Variants in CHSY1 observed in about 807,000 individuals in gnomAD.
The protein encoded by CHSY1 is chondroitin sulfate synthase 1, also known as N-acetylgalactosaminyl-proteoglycan 3-beta-glucuronosyltransferase 1.
Under a neutral mutation model 59.8 loss-of-function variants are expected in CHSY1, and 13 were observed. The observed-to-expected ratio is 0.22, with a 90% CI of 0.14 to 0.35. CHSY1 has a LOEUF of 0.35. Among genes scored for constraint, CHSY1 ranks in the 10% least tolerant of loss-of-function variants. The pLI is 1.00. For synonymous variants in CHSY1, 459 were observed against 401.2 expected, an observed-to-expected ratio of 1.14 and a Z score of -1.72; for missense variants, 947 against 1,030.6, an observed-to-expected ratio of 0.92 and a Z score of 1.11.
chr15:101,211,280 C>T (rs2038679912), intron 2 of CHSY1, among the ~76,000 whole-genome samples: 1 of 152,192 alleles, frequency 6.6e-6, no homozygotes, highest in South Asian at 2.1e-4. Context: ...GCTGAGATTG[C>T]ACCACTGCAC....
intron 1 of CHSY1, among the ~76,000 whole-genome samples, chr15:101,243,897 C>T (rs2039026905): frequency 1.3e-5 from 2 of 152,138 alleles, no homozygotes; most frequent in Admixed American, 6.5e-5. Flanking sequence ...CCAAACACGC[C>T]GAGCAAAGTG....
At chr15:101,182,726 C>T (rs2038297161) in intron 2 of CHSY1, among the ~76,000 whole-genome samples, 1 of 152,162 alleles carries the variant, frequency 6.6e-6, no homozygotes. Context: ...CCATAGATAC[C>T]TAGAGTCTGC....
At chr15:101,239,635 G>A (rs1407895374) in intron 1 of CHSY1, among the ~76,000 whole-genome samples, 1 of 152,234 alleles carries the variant, frequency 6.6e-6, no homozygotes, top group Non-Finnish European at 1.5e-5. Context: ...GGTAGTGAAA[G>A]AACAGGAAAG....
Position 101,179,381 on chromosome 15 carries a change from C to T in CHSY1, c.817-401G>A, listed in dbSNP as rs145034425. ...CTGAAGACCTGAATAGCAGATCCTG[C>T]GGCTTCTATCTGTGGGAATAAACTT... On this transcript the variant is annotated intron_variant, in intron 2 of 2. Transcript: ENST00000254190. Among the ~76,000 whole-genome samples the T allele has an allele frequency of 2.4e-4, 36 of 152,326 alleles. No individual in the cohort carries two copies. The East Asian group carries it at 4.6e-3, about 20-fold the overall frequency.
At chr15:101,245,314 T>C (rs994547142) in intron 1 of CHSY1, among the ~76,000 whole-genome samples, 2 of 152,184 alleles carry the variant, frequency 1.3e-5, no homozygotes, top group Non-Finnish European at 2.9e-5. Flanking sequence ...AGGAAACCTG[T>C]AGTTGTCTCT....
At chr15:101,190,592 A>G (rs544209591) in intron 2 of CHSY1, among the ~76,000 whole-genome samples, 1 of 152,362 alleles carries the variant, frequency 6.6e-6, no homozygotes, top group South Asian at 2.1e-4. Flanking sequence ...GACACACTCC[A>G]TGTAAGAATT....
At position 101,210,798 on chromosome 15, in the gene CHSY1, TGTGA is replaced by T. The variant is rs150473480; in HGVS notation, c.816+24280_816+24283del. 3.9e-5 allele frequency among the ~76,000 whole-genome samples: 6 copies of T among 152,312 alleles called. No individual in the cohort carries two copies. The East Asian group carries it at 1.2e-3, about 29-fold the overall frequency. On this transcript the variant is annotated intron_variant, in intron 2 of 2. Coordinates refer to ENST00000254190, the MANE Select transcript of CHSY1 (RefSeq NM_014918.5). ...TCCAGTTTTTTTTAAATACAATGTTTGTGATTCAGTCAAAAGCTACTAAACATGC... is the reference window on the plus strand; with the variant it reads ...TCCAGTTTTTTTTAAATACAATGTTTTTCAGTCAAAAGCTACTAAACATGC...
At chr15:101,198,414 T>C (rs1408815315) in intron 2 of CHSY1, among the ~76,000 whole-genome samples, 1 of 152,162 alleles carries the variant, frequency 6.6e-6, no homozygotes, top group African/African-American at 2.4e-5. Flanking sequence ...TCTGTGACGG[T>C]GGTTTGGCCC....
At position 101,188,246 on chromosome 15, in the gene CHSY1, CGTT is replaced by C. The variant is rs543093812; in HGVS notation, c.817-9269_817-9267del. On this transcript the variant is annotated intron_variant, in intron 2 of 2. Transcript: ENST00000254190. ...TGAAAAGTGGTTCAAAGAAAGTAAG[CGTT>C]GTCTAAATGTCAAGAGACCGTAACT... is the stretch of plus-strand genomic sequence containing the variant. 154 of 954,850 alleles carry C rather than the reference CGTT, an allele frequency of 1.6e-4. 2 individuals are homozygous for C. In the South Asian group the frequency reaches 4.4e-3, roughly 27 times the overall value. 59.1% of individuals were successfully genotyped at this position (954,850 alleles called of 1,614,324 possible). A position where few individuals can be genotyped will look rare whatever the true frequency, so the allele number is the denominator to read the frequency against.
rs1411496671 is a variant in CHSY1 at position 101,178,191 on chromosome 15, T to C, written c.1606A>G (p.Ile536Val). The C allele has an allele frequency of 1.9e-6, 3 of 1,614,088 alleles. No individual in the cohort carries two copies. Among genetic ancestry groups the C allele is most frequent in the African/African-American group, 2.7e-5 (2 of 74,932 alleles). Residue 536 changes from isoleucine (I) to valine (V), a missense_variant, in exon 3 of 3, where the codon ATA becomes GTA. Physicochemically the swap from Ile to Val is conservative, Grantham distance 29 (BLOSUM62 3). Coordinates refer to ENST00000254190, the MANE Select transcript of CHSY1 (RefSeq NM_014918.5). ...AAACGCCCAGACAAAGGAATCAGTATGTTTATCTTTTTATCTTTGGGTTCT... is the reference window on the plus strand; with the variant it reads ...AAACGCCCAGACAAAGGAATCAGTACGTTTATCTTTTTATCTTTGGGTTCT... ...HKEPKDKKIN[I>V]LIPLSGRFDM...
At position 101,182,120 on chromosome 15, in the gene CHSY1, C is replaced by T. The variant is rs558178907; in HGVS notation, c.817-3140G>A. ...GGCCATTGCAGCTGCAGACCTCAAT[C>T]TACAGTACCTAGCAAGCAATTCATC... On this transcript the variant is annotated intron_variant, in intron 2 of 2. Coordinates refer to ENST00000254190, the MANE Select transcript of CHSY1 (RefSeq NM_014918.5). Among the ~76,000 whole-genome samples the T allele has an allele frequency of 4.6e-5, 7 of 152,326 alleles. No homozygotes were observed. In the South Asian group the frequency reaches 1.5e-3, roughly 32 times the overall value.
At chr15:101,245,623 T>G (rs2039042717) in intron 1 of CHSY1, among the ~76,000 whole-genome samples, 1 of 152,168 alleles carries the variant, frequency 6.6e-6, no homozygotes, top group Non-Finnish European at 1.5e-5. Flanking sequence ...ATGGAAACAG[T>G]CACGCACAAT....
At chr15:101,187,908 C>G (rs150157121) in intron 2 of CHSY1, 12 of 423,398 alleles carry the variant, frequency 2.8e-5, no homozygotes, top group Non-Finnish European at 3.5e-5. Context: ...GGGGCTAATA[C>G]CAAGGTCACG....
Position 101,178,329 on chromosome 15 carries a change from C to A in CHSY1, c.1468G>T (p.Ala490Ser), listed in dbSNP as rs756263767. The A allele has an allele frequency of 9.3e-6, 15 of 1,607,772 alleles. No homozygotes were observed. The highest frequency in any genetic ancestry group is 8.8e-5 in the South Asian group (8 of 90,970). The change falls in exon 3 of 3, where the codon GCA (alanine) becomes TCA (serine). Residue 490 changes from alanine (A) to serine (S), a missense_variant. By Grantham distance (99) the Ala-to-Ser change is moderately conservative (BLOSUM62 1). Coordinates refer to ENST00000254190, the MANE Select transcript of CHSY1 (RefSeq NM_014918.5). ...TTGATTCTCTTGGCCAACTCTTGTG[C>A]ATCCAGCTCCTCATGCTCCACAAAC... Reference protein sequence around the residue: ...IQFVEHEELDAQELAKRINQE... With the variant: ...IQFVEHEELDSQELAKRINQE...
At chr15:101,186,843 C>CA (rs1032215201) in intron 2 of CHSY1, 1 of 152,124 alleles carries the variant, frequency 6.6e-6, no homozygotes, top group Non-Finnish European at 1.5e-5. Context: ...CAAAAACAGA[C>CA]AAAAAACACA....
chr15:101,186,319 CAAATAAATAAATAAATAAAT>C (rs71903953), intron 2 of CHSY1, among the ~76,000 whole-genome samples: 1 of 147,256 alleles, frequency 6.8e-6, no homozygotes, highest in Non-Finnish European at 1.5e-5. Flanking sequence ...GACCCTGTCT[CAAATAAATAAATAAATAAAT>C]AAATAAATAA....
intron 1 of CHSY1, among the ~76,000 whole-genome samples, chr15:101,235,784 GA>G (rs1184835882): frequency 2.6e-5 from 4 of 152,086 alleles, no homozygotes; most frequent in Non-Finnish European, 4.4e-5. Flanking sequence ...AAAAAATGAA[GA>G]AGTGTTAAAA....
At chr15:101,231,384 CAGGA>C (rs1293218853) in intron 2 of CHSY1, among the ~76,000 whole-genome samples, 1 of 152,150 alleles carries the variant, frequency 6.6e-6, no homozygotes, top group African/African-American at 2.4e-5. Flanking sequence ...ATATGATACG[CAGGA>C]AACCTGAGGC....
Position 101,225,299 on chromosome 15 carries a change from CT to C in CHSY1, c.816+9782del, listed in dbSNP as rs2038829839. 5.9e-5 allele frequency among the ~76,000 whole-genome samples: 9 copies of C among 152,054 alleles called. No individual in the cohort carries two copies. The South Asian group carries it at 1.9e-3, about 32-fold the overall frequency. ...CCCAGGCTGGTCTTGAACTCCTGGG[CT>C]CAAGTGATTCTCCCACCTTGGTGCT... On this transcript the variant is annotated intron_variant, in intron 2 of 2. Coordinates refer to ENST00000254190, the MANE Select transcript of CHSY1 (RefSeq NM_014918.5).
Sources: allele counts gnomAD v4.1 joint callset (sites outside exome capture counted in the v4.1 genomes callset), GRCh38; gene constraint gnomAD v4.1.1; transcripts MANE v1.5; gene names NCBI Gene and HGNC (gene_info 2026-07-23, HGNC 2026-07-21).